TTN: variants seen among roughly 807,000 people sequenced by gnomAD.
TTN encodes the protein titin, also known as connectin.
Under a neutral mutation model 3,223.0 loss-of-function variants are expected in TTN, and 1,525 were observed. The ratio of observed to expected loss-of-function variants is 0.47; its 90% CI spans 0.45 to 0.49. The LOEUF (loss-of-function observed/expected upper bound fraction) is 0.49, where lower values mean the gene tolerates loss of function less well. Among genes scored for constraint, TTN ranks in the 20% least tolerant of loss-of-function variants. The probability of loss-of-function intolerance (pLI) is 0.00; values close to 1 mark genes in which losing one functional copy is unlikely to be tolerated. For synonymous variants in TTN, 14,094 were observed against 15,161.0 expected (o/e 0.93, Z 5.17); for missense variants, 40,786 against 43,424.0 (o/e 0.94, Z 5.40).
chr2:178,667,294 A>C lies in TTN; in HGVS notation c.35739T>G (p.Phe11913Leu). 6.2e-7 allele frequency: 1 copy of C among 1,604,452 alleles called. No homozygotes were observed. The highest frequency in any genetic ancestry group is 8.5e-7 in the Non-Finnish European group (1 of 1,175,428). The change falls in exon 162 of 363, where the codon TTT (phenylalanine) becomes TTG (leucine). Residue 11913 changes from phenylalanine to leucine, a missense_variant. Phe to Leu is a conservative substitution (Grantham distance 22). Coordinates refer to ENST00000589042, the MANE Select transcript of TTN (RefSeq NM_001267550.2). ...TAGCCTCAGGTGGCTCCACCTCTGG[A>C]AAAATGCCTCTGGTTGTATCAGGTT... is the stretch of plus-strand genomic sequence containing the variant. ...TKEPDTTRGI[F>L]PEVEPPEAIP...
rs2054230849 is a variant in TTN, at chr2:178,604,321, A to G, written c.54382-16T>C. The G allele has an allele frequency of 7.0e-7, 1 of 1,433,298 alleles. No individual in the cohort carries two copies. Among genetic ancestry groups the G allele is most frequent in the Non-Finnish European group, 9.2e-7 (1 of 1,090,238 alleles). The allele number at this position is 1,433,298 out of a possible 1,614,324, so 88.8% of individuals were successfully genotyped here. On this transcript the variant is annotated splice_polypyrimidine_tract_variant and intron_variant, in intron 281 of 362. Coordinates refer to ENST00000589042, the MANE Select transcript of TTN (RefSeq NM_001267550.2). Reference sequence around the variant, plus strand: ...GTTTCCAGATCTAGAAATTAGAAAAACAGAAATTTATTGAAGAGAATATAC... The same window carrying G: ...GTTTCCAGATCTAGAAATTAGAAAAGCAGAAATTTATTGAAGAGAATATAC...
chr2:178,688,984 G>T (rs887193165), intron 125 of TTN, 69 bp downstream of exon 125: 1 of 1,465,938 alleles, frequency 6.8e-7, no homozygotes. Context: ...GAAAAAGCAA[G>T]AATTTAACAC....
chr2:178,804,109 C>T (rs932682616), intron 2 of TTN, among the ~76,000 whole-genome samples: 2 of 152,138 alleles, frequency 1.3e-5, no homozygotes, highest in African/African-American at 4.8e-5. Flanking sequence ...AAATTAGATG[C>T]ACTGTTATTT....
chr2:178,778,753 A>G lies in TTN; in HGVS notation c.4208+121T>C, dbSNP rs2092481488. ...CTTCTGGCAATTGTTGGTGTTGCCA[A>G]TGGTAAGTTTCTGTGCCATTTTAGC... On this transcript the variant is annotated intron_variant, in intron 24 of 362. Coordinates refer to ENST00000589042, the MANE Select transcript of TTN (RefSeq NM_001267550.2). The G allele has an allele frequency of 4.3e-6, 6 of 1,395,440 alleles. No individual in the cohort carries two copies. The African/African-American group carries it at 4.3e-5, about 10-fold the overall frequency. 86.4% of individuals were successfully genotyped at this position (1,395,440 alleles called of 1,614,324 possible). A position where few individuals can be genotyped will look rare whatever the true frequency, so the allele number is the denominator to read the frequency against.
At chr2:178,650,885 A>G in intron 208 of TTN, 51 bp from the exon 209 acceptor site, 1 of 1,518,272 alleles carries the variant, frequency 6.6e-7, no homozygotes, top group Non-Finnish European at 9.0e-7. Flanking sequence ...AAGTATATTA[A>G]ATTTATACCA....
Position 178,733,119 on chromosome 2 carries a change from G to T in TTN, c.16057C>A (p.Arg5353=), listed in dbSNP as rs267599069. Reference sequence around the variant, plus strand: ...TTGGTAAAAAATGGAGCAATGTCTCGATCTGTGTGTTGCACAAGAAGGGAG... The same window carrying T: ...TTGGTAAAAAATGGAGCAATGTCTCTATCTGTGTGTTGCACAAGAAGGGAG... The part of the protein sequence containing the change: ...SCETTFTVLD[R]DIAPFFTKPL... Residue 5353 remains arginine (R), a splice_region_variant and synonymous_variant, in exon 55 of 363, where the codon CGA becomes AGA. Coordinates refer to ENST00000589042, the MANE Select transcript of TTN (RefSeq NM_001267550.2). 1.5e-5 allele frequency: 24 copies of T among 1,586,030 alleles called. No individual in the cohort carries two copies. In the African/African-American group the frequency reaches 3.0e-4, roughly 20 times the overall value.
Position 178,802,253 on chromosome 2 carries a change from A to G in TTN, c.180T>C (p.Asp60=), listed in dbSNP as rs144750850. ...CGGGGATCGTCAGTTTAGCGCGGCC[A>G]TCGCTAAAGGAGATCTGCACGCCGG... ...TLPGVQISFS[D]GRAKLTIPAV... Residue 60 remains aspartate, a synonymous_variant, in exon 3 of 363, where the codon GAT becomes GAC. Transcript: ENST00000589042. The G allele has an allele frequency of 6.4e-5, 103 of 1,614,070 alleles. No individual in the cohort carries two copies. In the African/African-American group the frequency reaches 1.1e-3, roughly 17 times the overall value.
intron 120 of TTN, among the ~76,000 whole-genome samples, 168 bp downstream of exon 120, chr2:178,692,329 G>A (rs987809327): frequency 6.6e-5 from 10 of 152,016 alleles, no homozygotes; most frequent in African/African-American, 2.2e-4. Flanking sequence ...GTTTAGAAAT[G>A]TTACCAATAC....
chr2:178,533,555 G>A lies in TTN; in HGVS notation c.103060C>T (p.Pro34354Ser), dbSNP rs878963278. ...CKAKLTVTLH[P>S]PPTDSTLRPM... The stretch of plus-strand genomic sequence containing the variant: ...CTTAAGGTACTATCTGTTGGAGGTG[G>A]GTGTAGGGTTACTGTCAGCTTTGCT... The change falls in exon 358 of 363, where the codon CCA (proline) becomes TCA (serine). Residue 34354 changes from proline (P) to serine (S), a missense_variant. By Grantham distance (74) the Pro-to-Ser change is moderately conservative. Coordinates refer to ENST00000589042, the MANE Select transcript of TTN (RefSeq NM_001267550.2). The A allele has an allele frequency of 6.2e-7, 1 of 1,613,850 alleles. No individual in the cohort carries two copies. The highest frequency in any genetic ancestry group is 1.1e-5 in the South Asian group (1 of 91,072).
Position 178,582,193 on chromosome 2 carries a change from C to G in TTN, c.66176G>C (p.Cys22059Ser). Reference protein sequence around the residue: ...AKNPYDPPGRCDPPVISNITK... With the variant: ...AKNPYDPPGRSDPPVISNITK... ...TATGTTGCTAATAACAGGAGGATCACAGCGTCCTGGTGGGTCTGCAGAAAT... is the reference window on the plus strand; with the variant it reads ...TATGTTGCTAATAACAGGAGGATCAGAGCGTCCTGGTGGGTCTGCAGAAAT... The change falls in exon 315 of 363, where the codon TGT (cysteine) becomes TCT (serine). Residue 22059 changes from cysteine (C) to serine (S), a missense_variant. Coordinates refer to ENST00000589042, the MANE Select transcript of TTN (RefSeq NM_001267550.2). 1 of 1,612,440 alleles carries G rather than the reference C, an allele frequency of 6.2e-7. No homozygotes were observed. Among genetic ancestry groups the G allele is most frequent in the Non-Finnish European group, 8.5e-7 (1 of 1,179,358 alleles).
chr2:178,562,284 G>A lies in TTN; in HGVS notation c.83848C>T (p.Leu27950Phe). The A allele has an allele frequency of 6.2e-7, 1 of 1,613,454 alleles. No individual in the cohort carries two copies. Among genetic ancestry groups the A allele is most frequent in the Non-Finnish European group, 8.5e-7 (1 of 1,179,676 alleles). The change falls in exon 326 of 363, where the codon CTT (leucine) becomes TTT (phenylalanine). Residue 27950 changes from leucine to phenylalanine, a missense_variant. Coordinates refer to ENST00000589042, the MANE Select transcript of TTN (RefSeq NM_001267550.2). ...TCCCTTGCAATTACTGGCACTCCAA[G>A]TTGTCTTGGATCACTTCTTCCCTTT... is the stretch of plus-strand genomic sequence containing the variant. ...NEKGRSDPRQ[L>F]GVPVIARDIE...
chr2:178,707,063 T>A (rs1337361082), intron 100 of TTN, 109 bp from the exon 101 acceptor site: 1 of 890,660 alleles, frequency 1.1e-6, no homozygotes, highest in Non-Finnish European at 1.7e-6. Context: ...AAGTAAGTAC[T>A]GCAGAATTCT....
At position 178,576,595 on chromosome 2, in the gene TTN, C is replaced by T. The variant is rs767473022; in HGVS notation, c.69649G>A (p.Glu23217Lys). ...GGTGGACCAATTCCTGCTCTGTTTT[C>T]TGCACTGACACGGAATTCGTAGGTG... ...GSTYEFRVSA[E>K]NRAGIGPPSE... Residue 23217 changes from glutamate (E) to lysine (K), a missense_variant, in exon 325 of 363, where the codon GAA becomes AAA. Transcript: ENST00000589042. The surrounding 1 kb of genome is among the most constrained non-coding windows in gnomAD (Gnocchi z 4.3). The T allele has an allele frequency of 6.2e-7, 1 of 1,613,616 alleles. No individual in the cohort carries two copies. Among genetic ancestry groups the T allele is most frequent in the Non-Finnish European group, 8.5e-7 (1 of 1,179,646 alleles).
rs968544783 is a variant in TTN, at chr2:178,667,293, G to GA, written c.35739dup (p.Pro11914SerfsTer7). On this transcript the variant is annotated frameshift_variant, in exon 162 of 363. Transcript: ENST00000589042. LOFTEE classifies it high-confidence loss of function. ...ATAGCCTCAGGTGGCTCCACCTCTG[G>GA]AAAAATGCCTCTGGTTGTATCAGGT... 2.5e-6 allele frequency: 4 copies of GA among 1,605,014 alleles called. No homozygotes were observed. The African/African-American group carries it at 4.0e-5, about 16-fold the overall frequency.
Position 178,632,564 on chromosome 2 carries a change from G to T in TTN, c.43442C>A (p.Ala14481Asp). The change falls in exon 235 of 363, where the codon GCT becomes GAT. Residue 14481 changes from alanine to aspartate, a missense_variant. By Grantham distance (126) the Ala-to-Asp change is moderately radical. Coordinates refer to ENST00000589042, the MANE Select transcript of TTN (RefSeq NM_001267550.2). ...TTTGCCACTTGTGTGCTTATCTTCAGCTTCAAACATGTATTTTGCTTCATC... is the reference window on the plus strand; with the variant it reads ...TTTGCCACTTGTGTGCTTATCTTCATCTTCAAACATGTATTTTGCTTCATC... ...FEDEAKYMFE[A>D]EDKHTSGKLI... 6.2e-7 allele frequency: 1 copy of T among 1,613,326 alleles called. No homozygotes were observed. The highest frequency in any genetic ancestry group is 1.1e-5 in the South Asian group (1 of 91,046).
intron 240 of TTN, among the ~76,000 whole-genome samples, chr2:178,626,108 A>G (rs909999776): frequency 2.6e-5 from 4 of 151,988 alleles, no homozygotes; most frequent in Non-Finnish European, 5.9e-5. Context: ...ATGAAAGAAA[A>G]TATCAGCTAT....
At position 178,576,175 on chromosome 2, in the gene TTN, G is replaced by C. The variant is rs540840413; in HGVS notation, c.69957C>G (p.Ile23319Met). 3.0e-5 allele frequency: 49 copies of C among 1,613,070 alleles called. No homozygotes were observed. The South Asian group carries it at 4.2e-4, about 14-fold the overall frequency. The change falls in exon 326 of 363, where the codon ATC becomes ATG. Residue 23319 changes from isoleucine to methionine, a missense_variant. Physicochemically the swap from Ile to Met is conservative, Grantham distance 10 (BLOSUM62 1). Coordinates refer to ENST00000589042, the MANE Select transcript of TTN (RefSeq NM_001267550.2). The surrounding 1 kb of genome is among the most constrained non-coding windows in gnomAD (Gnocchi z 4.3). ...KEKYNFRISA[I>M]NDAGVGEPAV... ...CTGGCTCCCCAACACCTGCATCGTT[G>C]ATGGCACTGATTCTGAAGTTGTATT... is the stretch of plus-strand genomic sequence containing the variant.
At position 178,576,031 on chromosome 2, in the gene TTN, T is replaced by C. The variant is rs762201309; in HGVS notation, c.70101A>G (p.Pro23367=). 6.2e-7 allele frequency: 1 copy of C among 1,613,326 alleles called. No individual in the cohort carries two copies. The highest frequency in any genetic ancestry group is 2.2e-5 in the East Asian group (1 of 44,818). ...RAGLSIRIFV[P]IKGRPAPEVT... is the part of the protein sequence containing the mutation. Reference sequence around the variant, plus strand: ...CTTCAGGAGCAGGACGACCTTTAATTGGCACAAATATCCTAATACTGAGTC... The same window carrying C: ...CTTCAGGAGCAGGACGACCTTTAATCGGCACAAATATCCTAATACTGAGTC... The change falls in exon 326 of 363, where the codon CCA becomes CCG. Residue 23367 remains proline (P), a synonymous_variant. Transcript: ENST00000589042. The surrounding 1 kb of genome is among the most constrained non-coding windows in gnomAD (Gnocchi z 4.3).
rs1237283720 is a variant in TTN, at chr2:178,559,772, A to G, written c.86360T>C (p.Leu28787Ser). The G allele has an allele frequency of 6.2e-7, 1 of 1,603,504 alleles. No individual in the cohort carries two copies. Among genetic ancestry groups the G allele is most frequent in the Non-Finnish European group, 8.5e-7 (1 of 1,174,810 alleles). ...GAGGTCAGTGTCTGGCTTACTCCACAAGACATTGGGTACTGGTCTTCCTCG... is the reference window on the plus strand; with the variant it reads ...GAGGTCAGTGTCTGGCTTACTCCACGAGACATTGGGTACTGGTCTTCCTCG... ...PFRGRPVPNV[L>S]WSKPDTDLRT... Residue 28787 changes from leucine (L) to serine (S), a missense_variant, in exon 326 of 363, where the codon TTG becomes TCG. Transcript: ENST00000589042.
Sources: gnomAD v4.1 joint callset for allele counts (sites outside exome capture counted in the v4.1 genomes callset) on GRCh38, gnomAD v4.1.1 for gene constraint, Gnocchi (gnomAD v3.1) non-coding constraint, MANE v1.5 for transcripts, NCBI Gene and HGNC (gene_info 2026-07-23, HGNC 2026-07-21) for gene names.